KIF13B: variants seen among roughly 807,000 people sequenced by gnomAD.
KIF13B encodes kinesin family member 13B, also known as kinesin-like protein KIF13B.
KIF13B carries 127 observed loss-of-function variants against 222.0 expected under a neutral mutation model. The observed-to-expected ratio is 0.57, with a 90% CI of 0.50 to 0.66. KIF13B has a LOEUF of 0.66. Ranked by LOEUF, KIF13B falls within the 30% of genes least tolerant of loss-of-function variation. The probability of loss-of-function intolerance (pLI) is 0.00; values close to 1 mark genes in which losing one functional copy is unlikely to be tolerated. For synonymous variants in KIF13B, 976 were observed against 919.0 expected (o/e 1.06, Z -1.12); for missense variants, 2,173 against 2,379.0 (o/e 0.91, Z 1.80).
At chr8:29,078,333 G>GA (rs1310419556) in intron 37 of KIF13B, among the ~76,000 whole-genome samples, 1 of 151,632 alleles carries the variant, frequency 6.6e-6, no homozygotes, top group Admixed American at 6.6e-5. Context: ...TTCAGAGGAG[G>GA]AAAGGGTCAT....
At chr8:29,106,624 C>A (rs547839757) in intron 35 of KIF13B, among the ~76,000 whole-genome samples, 1 of 90,638 alleles carries the variant, frequency 1.1e-5, no homozygotes. Context: ...AAGAGCGAAA[C>A]TCTGTCTCAA....
At chr8:29,164,841 A>G (rs1271282866) in intron 12 of KIF13B, among the ~76,000 whole-genome samples, 1 of 148,856 alleles carries the variant, frequency 6.7e-6, no homozygotes, top group Admixed American at 6.7e-5. Context: ...TAATGTTCCT[A>G]CCCTAACGTG....
intron 1 of KIF13B, among the ~76,000 whole-genome samples, chr8:29,246,565 T>C (rs1816032254): frequency 1.3e-5 from 2 of 152,186 alleles, no homozygotes; most frequent in African/African-American, 4.8e-5. Flanking sequence ...AAGGAAATCC[T>C]ATTAAAATCT....
intron 35 of KIF13B, among the ~76,000 whole-genome samples, chr8:29,104,134 T>C (rs1401939896): frequency 6.6e-6 from 1 of 152,066 alleles, no homozygotes; most frequent in East Asian, 1.9e-4. Context: ...TCAGTGGCCC[T>C]AAGTGTCACC....
intron 37 of KIF13B, among the ~76,000 whole-genome samples, chr8:29,090,605 C>T (rs1465376830): frequency 1.3e-5 from 2 of 152,194 alleles, no homozygotes; most frequent in African/African-American, 2.4e-5. Flanking sequence ...AGGGAAATGC[C>T]TTCCAAGGAG....
At chr8:29,184,302 C>A (rs1013327719) in intron 6 of KIF13B, among the ~76,000 whole-genome samples, 32 of 151,762 alleles carry the variant, frequency 2.1e-4, no homozygotes, top group African/African-American at 7.8e-4. Flanking sequence ...AATCCATTTA[C>A]TTTGAATCTT....
chr8:29,084,002 C>G (rs1422228726), intron 37 of KIF13B, among the ~76,000 whole-genome samples: 1 of 152,148 alleles, frequency 6.6e-6, no homozygotes, highest in Admixed American at 6.5e-5. Context: ...GCAACCTCCG[C>G]CTCCAGGGTT....
intron 37 of KIF13B, among the ~76,000 whole-genome samples, chr8:29,087,986 G>C (rs1808121187): frequency 6.6e-6 from 1 of 151,976 alleles, no homozygotes; most frequent in Admixed American, 6.6e-5. Context: ...TATATATTTT[G>C]GCTGGGCGCA....
chr8:29,237,744 G>T (rs1360948747), intron 2 of KIF13B, among the ~76,000 whole-genome samples: 1 of 152,170 alleles, frequency 6.6e-6, no homozygotes, highest in Admixed American at 6.5e-5. Context: ...GCTGCAATTT[G>T]ACTACCTGCT....
intron 2 of KIF13B, among the ~76,000 whole-genome samples, chr8:29,230,774 G>A (rs1337804606): frequency 1.3e-5 from 2 of 152,238 alleles, no homozygotes; most frequent in Non-Finnish European, 2.9e-5. Flanking sequence ...GGTCTGATAT[G>A]GGGCAGAATG....
intron 1 of KIF13B, among the ~76,000 whole-genome samples, chr8:29,252,583 T>C (rs1816324099): frequency 6.6e-6 from 1 of 152,248 alleles, no homozygotes; most frequent in Non-Finnish European, 1.5e-5. Flanking sequence ...GATAATAAGC[T>C]ATTTGTAAGA....
At chr8:29,241,120 G>T (rs1348580237) in intron 2 of KIF13B, among the ~76,000 whole-genome samples, 1 of 152,128 alleles carries the variant, frequency 6.6e-6, no homozygotes, top group East Asian at 1.9e-4. Context: ...ATCATAAAAA[G>T]GAATGAAGTA....
chr8:29,127,486 T>C (rs964698468), intron 24 of KIF13B, among the ~76,000 whole-genome samples: 1 of 152,236 alleles, frequency 6.6e-6, no homozygotes, highest in Admixed American at 6.5e-5. Flanking sequence ...TATGTTTACA[T>C]ATTCTTTCAA....
At chr8:29,196,934 TA>T in intron 2 of KIF13B, among the ~76,000 whole-genome samples, 1 of 152,170 alleles carries the variant, frequency 6.6e-6, no homozygotes, top group East Asian at 1.9e-4. Flanking sequence ...AACCTGTACT[TA>T]CTGAATTACT....
rs1563755602 is a variant in KIF13B at position 29,167,391 on chromosome 8, C to T, written c.1140G>A (p.Glu380=). The change falls in exon 11 of 40, where the codon GAG becomes GAA. Residue 380 remains glutamate (E), a synonymous_variant. Coordinates refer to ENST00000524189, the MANE Select transcript of KIF13B (RefSeq NM_015254.4). ...CTCCTACCTCTGCTTTGGTCAGCTGCTCCCGGAGTTTCTCAACTTCTTCCC... is the reference window on the plus strand; with the variant it reads ...CTCCTACCTCTGCTTTGGTCAGCTGTTCCCGGAGTTTCTCAACTTCTTCCC... ...DLREEVEKLR[E]QLTKAEAMKS... 1.2e-6 allele frequency: 2 copies of T among 1,612,666 alleles called. No homozygotes were observed. Among genetic ancestry groups the T allele is most frequent in the Admixed American group, 1.7e-5 (1 of 60,008 alleles).
chr8:29,143,930 A>G (rs1175506219), intron 18 of KIF13B, among the ~76,000 whole-genome samples: 2 of 151,968 alleles, frequency 1.3e-5, no homozygotes, highest in African/African-American at 2.4e-5. Context: ...TATGCTCTGA[A>G]GTTTTTCCAG....
intron 2 of KIF13B, among the ~76,000 whole-genome samples, chr8:29,221,003 G>A (rs1814717702): frequency 6.6e-6 from 1 of 151,760 alleles, no homozygotes; most frequent in Non-Finnish European, 1.5e-5. Flanking sequence ...TTAACTGGGT[G>A]CGGTGGCATG....
chr8:29,127,644 T>G (rs1324925911), intron 24 of KIF13B, among the ~76,000 whole-genome samples: 1 of 152,356 alleles, frequency 6.6e-6, no homozygotes, highest in East Asian at 1.9e-4. Flanking sequence ...AATTATATTT[T>G]AAAAGAGGAA....
intron 2 of KIF13B, among the ~76,000 whole-genome samples, chr8:29,240,378 A>G (rs1815719291): frequency 6.6e-6 from 1 of 152,102 alleles, no homozygotes; most frequent in Non-Finnish European, 1.5e-5. Context: ...TAAAGTGAAA[A>G]TGTGAAGAAA....
Sources: allele counts gnomAD v4.1 joint callset (sites outside exome capture counted in the v4.1 genomes callset), GRCh38; gene constraint gnomAD v4.1.1; transcripts MANE v1.5; gene names NCBI Gene and HGNC (gene_info 2026-07-23, HGNC 2026-07-21).